RGS7: variants seen among roughly 807,000 people sequenced by gnomAD.
RGS7 encodes regulator of G-protein signaling 7.
Under a neutral mutation model 81.1 loss-of-function variants are expected in RGS7, and 27 were observed. That is an observed-to-expected ratio of 0.33 (90% CI 0.25 to 0.46). The LOEUF is 0.46. RGS7 is among the 20% of genes least tolerant of loss of function. RGS7 has a pLI of 1.00. For synonymous variants in RGS7, 208 were observed against 207.7 expected (o/e 1.00, Z -0.01); for missense variants, 396 against 607.4 (o/e 0.65, Z 3.66).
At chr1:240,800,512 C>T in intron 18 of RGS7, 129 bp downstream of exon 18, 1 of 443,632 alleles carries the variant, frequency 2.3e-6, no homozygotes, top group Non-Finnish European at 4.1e-6. Flanking sequence ...CATTTCAACA[C>T]ACATAACTCC....
At chr1:240,853,625 G>A (rs1660491631) in intron 9 of RGS7, among the ~76,000 whole-genome samples, 1 of 152,074 alleles carries the variant, frequency 6.6e-6, no homozygotes, top group Non-Finnish European at 1.5e-5. Context: ...GCATGTTCTG[G>A]CCGGGCGCAG....
intron 2 of RGS7, among the ~76,000 whole-genome samples, chr1:241,112,368 T>C (rs762898591): frequency 1.3e-5 from 2 of 152,166 alleles, no homozygotes; most frequent in Non-Finnish European, 2.9e-5. Context: ...GTATATATGA[T>C]AGTGCTTTGC....
Position 241,098,728 on chromosome 1 carries a change from T to C in RGS7, c.113A>G (p.Lys38Arg), listed in dbSNP as rs141493148. The change falls in exon 3 of 19, where the codon AAA (lysine) becomes AGA (arginine). Residue 38 changes from lysine (K) to arginine (R), a missense_variant. Physicochemically the swap from Lys to Arg is conservative, Grantham distance 26. Coordinates refer to ENST00000440928, the MANE Select transcript of RGS7 (RefSeq NM_001364886.1). ...GACCGTACGAATAGGAATTCCATTT[T>C]TTTCATCTTGCATCCGTGCTATGAC... ...EDVIARMQDE[K>R]NGIPIRTVKS... 748 of 1,613,392 alleles carry C rather than the reference T, an allele frequency of 4.6e-4. No individual in the cohort carries two copies. Among genetic ancestry groups the C allele is most frequent in the Non-Finnish European group, 6.0e-4 (707 of 1,179,752 alleles).
At chr1:240,814,057 C>T (rs1690360574) in intron 12 of RGS7, among the ~76,000 whole-genome samples, 1 of 152,104 alleles carries the variant, frequency 6.6e-6, no homozygotes, top group Non-Finnish European at 1.5e-5. Flanking sequence ...AATCAGTCCA[C>T]CCACAGCAGA....
intron 2 of RGS7, among the ~76,000 whole-genome samples, chr1:241,244,661 G>A (rs1051953228): frequency 3.3e-5 from 5 of 152,072 alleles, no homozygotes; most frequent in Admixed American, 6.5e-5. Flanking sequence ...GCACACATAT[G>A]TTTATTGTGG....
intron 2 of RGS7, chr1:241,305,823 T>C: frequency 3.3e-6 from 1 of 303,802 alleles, no homozygotes; most frequent in Non-Finnish European, 6.6e-6. Flanking sequence ...TGCCTTGGTT[T>C]CCTCACGTTC....
At chr1:240,966,254 G>T (rs140596365) in intron 4 of RGS7, among the ~76,000 whole-genome samples, 1 of 152,028 alleles carries the variant, frequency 6.6e-6, no homozygotes, top group Non-Finnish European at 1.5e-5. Flanking sequence ...TTATTTGCAG[G>T]ATGTCATGAC....
At chr1:240,911,628 G>A (rs1416752617) in intron 6 of RGS7, among the ~76,000 whole-genome samples, 1 of 152,152 alleles carries the variant, frequency 6.6e-6, no homozygotes, top group Admixed American at 6.5e-5. Context: ...CCAGCTATCT[G>A]TAAGTCTTGT....
chr1:241,205,963 AT>A (rs2073852356), intron 2 of RGS7, among the ~76,000 whole-genome samples: 1 of 151,810 alleles, frequency 6.6e-6, no homozygotes, highest in South Asian at 2.1e-4. Flanking sequence ...GAAGCCAAAA[AT>A]TTGGCAGTAA....
chr1:241,111,173 G>A (rs1000493660), intron 2 of RGS7, among the ~76,000 whole-genome samples: 10 of 152,028 alleles, frequency 6.6e-5, no homozygotes, highest in South Asian at 4.1e-4. Flanking sequence ...CAAATATTTC[G>A]GAAGCCACTT....
chr1:241,231,594 A>G (rs1469492013), intron 2 of RGS7, among the ~76,000 whole-genome samples: 1 of 152,010 alleles, frequency 6.6e-6, no homozygotes, highest in Non-Finnish European at 1.5e-5. Context: ...CCTGACCTCA[A>G]GCGATCCACC....
chr1:241,296,902 A>C (rs1416853382), intron 2 of RGS7, among the ~76,000 whole-genome samples: 1 of 151,898 alleles, frequency 6.6e-6, no homozygotes, highest in Admixed American at 6.6e-5. Flanking sequence ...AATGGTTATC[A>C]AGTCCAATTG....
At chr1:241,192,159 G>GGTGTGTGTGTGTGTGTGTGTGTGTGTGT (rs58714151) in intron 2 of RGS7, among the ~76,000 whole-genome samples, 1 of 121,934 alleles carries the variant, frequency 8.2e-6, no homozygotes, top group Non-Finnish European at 1.7e-5. Context: ...AGAGAAAACA[G>GGTGTGTGTGTGTGTGTGTGTGTGTGTGT]GTGTGTGTGT....
intron 3 of RGS7, among the ~76,000 whole-genome samples, chr1:241,065,908 T>C (rs2062033130): frequency 6.6e-6 from 1 of 152,208 alleles, no homozygotes; most frequent in Non-Finnish European, 1.5e-5. Context: ...ACATAAATCA[T>C]GTACTTAGAA....
chr1:240,867,351 T>A (rs932814845), intron 9 of RGS7, among the ~76,000 whole-genome samples: 89 of 152,222 alleles, frequency 5.8e-4, no homozygotes, highest in Non-Finnish European at 1.2e-3. Context: ...TATGAACCTA[T>A]TATTTATTCT....
intron 2 of RGS7, among the ~76,000 whole-genome samples, chr1:241,221,096 G>GAAGGAAGGAAGGAAGA (rs1156231816): frequency 2.2e-4 from 21 of 97,434 alleles, no homozygotes; most frequent in African/African-American, 7.2e-4. Context: ...AGGAAGAAAG[G>GAAGGAAGGAAGGAAGA]AAGGAAGGAA....
intron 3 of RGS7, among the ~76,000 whole-genome samples, chr1:240,992,680 C>T (rs943657429): frequency 6.6e-6 from 1 of 151,810 alleles, no homozygotes; most frequent in African/African-American, 2.4e-5. Flanking sequence ...CCTGCTGTGA[C>T]AAAATATTGA....
intron 2 of RGS7, among the ~76,000 whole-genome samples, chr1:241,235,832 C>G (rs1218833317): frequency 2.0e-5 from 3 of 151,242 alleles, no homozygotes; most frequent in African/African-American, 4.9e-5. Flanking sequence ...AGCCTAGGCA[C>G]CAATTTTCTC....
chr1:240,831,825 C>G (rs1202488107), intron 9 of RGS7, among the ~76,000 whole-genome samples: 1 of 151,968 alleles, frequency 6.6e-6, no homozygotes, highest in South Asian at 2.1e-4. Context: ...TTAGTAGAGA[C>G]AAGGTTTTGC....
Sources: allele counts gnomAD v4.1 joint callset (sites outside exome capture counted in the v4.1 genomes callset), GRCh38; gene constraint gnomAD v4.1.1; transcripts MANE v1.5; gene names NCBI Gene and HGNC (gene_info 2026-07-23, HGNC 2026-07-21).